Variants in ANK3 observed in about 807,000 individuals in gnomAD.
ANK3 encodes ankyrin-3.
Under a neutral mutation model 370.9 loss-of-function variants are expected in ANK3, and 57 were observed. The ratio of observed to expected loss-of-function variants is 0.15; its 90% CI spans 0.12 to 0.19. The LOEUF is 0.19. Ranked by LOEUF, ANK3 falls within the 10% of genes least tolerant of loss-of-function variation. The pLI is 1.00. For synonymous variants in ANK3, 1,929 were observed against 1,946.3 expected (o/e 0.99, Z 0.23); for missense variants, 4,439 against 5,302.1 (o/e 0.84, Z 5.06).
chr10:60,429,154 G>A (rs546321365), intron 2 of ANK3, among the ~76,000 whole-genome samples: 7 of 152,136 alleles, frequency 4.6e-5, no homozygotes, highest in African/African-American at 7.2e-5. Flanking sequence ...TGATATGAAA[G>A]TCACATGGTT....
At chr10:60,688,728 C>T (rs1275240753) in intron 1 of ANK3, among the ~76,000 whole-genome samples, 4 of 152,060 alleles carry the variant, frequency 2.6e-5, no homozygotes, top group Non-Finnish European at 4.4e-5. Flanking sequence ...GCGGGCGGAT[C>T]ACGAGGTCAG....
chr10:60,074,249 C>A lies in ANK3; in HGVS notation c.6632G>T (p.Ser2211Ile). 6.2e-7 allele frequency: 1 copy of A among 1,614,074 alleles called. No homozygotes were observed. The highest frequency in any genetic ancestry group is 8.5e-7 in the Non-Finnish European group (1 of 1,179,996). ...AAATGCTTTAACCTTTTCTTTAATA[C>A]TAGAGGTGGTGGGCTTTGGTTCCAA... Reference protein sequence around the residue: ...MELEPKPTTSSIKEKVKAFQM... With the variant: ...MELEPKPTTSIIKEKVKAFQM... The change falls in exon 37 of 44, where the codon AGT becomes ATT. Residue 2211 changes from serine to isoleucine, a missense_variant. By Grantham distance (142) the Ser-to-Ile change is moderately radical. Around this residue, in one of 13 missense-constraint regions of ANK3, gnomAD observed 1,601 missense variants for 1,731.7 expected, o/e 0.92. Transcript: ENST00000280772.
At chr10:60,187,052 A>G in intron 16 of ANK3, 140 bp from the exon 17 acceptor site, 1 of 773,392 alleles carries the variant, frequency 1.3e-6, no homozygotes, top group Non-Finnish European at 2.1e-6. Context: ...AAATACTGGT[A>G]AACCAAGTGG....
At chr10:60,553,655 G>A (rs918932718) in intron 2 of ANK3, among the ~76,000 whole-genome samples, 2 of 152,152 alleles carry the variant, frequency 1.3e-5, no homozygotes, top group African/African-American at 4.8e-5. Context: ...ATTTTTCTAA[G>A]AGGCATTGCC....
intron 10 of ANK3, 145 bp from the exon 11 acceptor site, chr10:60,206,035 A>G: frequency 3.2e-6 from 2 of 624,428 alleles, no homozygotes; most frequent in Non-Finnish European, 5.7e-6. Flanking sequence ...TGTAGATTCT[A>G]TTCTAGAAGT....
chr10:60,050,360 C>T (rs2077708805), intron 42 of ANK3, among the ~76,000 whole-genome samples: 1 of 152,120 alleles, frequency 6.6e-6, no homozygotes, highest in Non-Finnish European at 1.5e-5. Context: ...CCTAATGTTT[C>T]CAGAGTCTTA....
chr10:60,570,666 T>C (rs972608755), intron 2 of ANK3, among the ~76,000 whole-genome samples: 1 of 152,140 alleles, frequency 6.6e-6, no homozygotes, highest in African/African-American at 2.4e-5. Context: ...GTAAGGAGTT[T>C]AGAAGGTACT....
At chr10:60,366,714 T>C (rs1338771126) in intron 1 of ANK3, among the ~76,000 whole-genome samples, 2 of 152,132 alleles carry the variant, frequency 1.3e-5, no homozygotes, top group Admixed American at 1.3e-4. Context: ...CCAACTGACC[T>C]TGAGCAAGTA....
intron 1 of ANK3, chr10:60,684,427 T>G (rs2079240784): frequency 3.8e-6 from 3 of 796,434 alleles, no homozygotes; most frequent in Non-Finnish European, 3.9e-6. Flanking sequence ...AATCTTATAG[T>G]TGGATCACCT....
At chr10:60,395,324 CATATT>C (rs780833165) in intron 2 of ANK3, among the ~76,000 whole-genome samples, 4 of 152,158 alleles carry the variant, frequency 2.6e-5, no homozygotes, top group Admixed American at 6.5e-5. Flanking sequence ...TTAAATAAAA[CATATT>C]ATTAAATTAA....
chr10:60,583,193 C>A (rs971784138), intron 2 of ANK3, among the ~76,000 whole-genome samples: 1 of 152,170 alleles, frequency 6.6e-6, no homozygotes, highest in African/African-American at 2.4e-5. Context: ...AGGATGAAAT[C>A]TTGTCATTTG....
At chr10:60,294,856 G>T (rs2042171496) in intron 1 of ANK3, among the ~76,000 whole-genome samples, 1 of 152,104 alleles carries the variant, frequency 6.6e-6, no homozygotes, top group South Asian at 2.1e-4. Context: ...GCAAAATATA[G>T]AAAGAGCACA....
At chr10:60,059,619 A>T in intron 40 of ANK3, 189 bp from the exon 41 acceptor site, 1 of 1,464,970 alleles carries the variant, frequency 6.8e-7, no homozygotes. Flanking sequence ...CTCAGAGCTT[A>T]CTCCTAGTTT....
intron 12 of ANK3, among the ~76,000 whole-genome samples, chr10:60,201,275 A>G (rs2096669348): frequency 6.6e-6 from 1 of 152,160 alleles, no homozygotes; most frequent in Non-Finnish European, 1.5e-5. Flanking sequence ...AAGCTGGCCT[A>G]TTTCTATCTT....
chr10:60,114,438 A>G (rs1246772183), intron 25 of ANK3, 107 bp from the exon 26 acceptor site: 4 of 478,476 alleles, frequency 8.4e-6, no homozygotes, highest in Non-Finnish European at 1.4e-5. Context: ...ATAGACTTAC[A>G]TTCAACATAA....
At chr10:60,424,755 A>G (rs1455111904) in intron 2 of ANK3, among the ~76,000 whole-genome samples, 1 of 152,056 alleles carries the variant, frequency 6.6e-6, no homozygotes, top group Non-Finnish European at 1.5e-5. Context: ...AATCTAGATG[A>G]TAATATCCCT....
At chr10:60,444,429 C>CAT (rs1555373989) in intron 2 of ANK3, among the ~76,000 whole-genome samples, 22 of 148,078 alleles carry the variant, frequency 1.5e-4, no homozygotes, top group Non-Finnish European at 2.8e-4. Flanking sequence ...ATATAACATA[C>CAT]GTGTGTGTGT....
chr10:60,225,370 C>A (rs1354171051), intron 8 of ANK3, among the ~76,000 whole-genome samples: 2 of 152,086 alleles, frequency 1.3e-5, no homozygotes, highest in African/African-American at 4.8e-5. Context: ...CTTATTTAAT[C>A]TTTGCAGCAA....
chr10:60,051,658 T>TTTA, intron 42 of ANK3: 3 of 433,272 alleles, frequency 6.9e-6, no homozygotes, highest in Non-Finnish European at 9.0e-6. Flanking sequence ...TACTTGATGT[T>TTTA]TTCTTCTTTT....
Sources: gnomAD v4.1 joint callset for allele counts (sites outside exome capture counted in the v4.1 genomes callset) on GRCh38, gnomAD v4.1.1 for gene constraint, gnomAD v4.1.1 regional missense constraint, MANE v1.5 for transcripts, NCBI Gene and HGNC (gene_info 2026-07-23, HGNC 2026-07-21) for gene names.